Variants in MARCHF11 observed in about 807,000 individuals in gnomAD.
MARCHF11 encodes the protein E3 ubiquitin-protein ligase MARCHF11.
A neutral mutation model predicts 37.3 loss-of-function variants in MARCHF11; 29 were observed. The ratio of observed to expected loss-of-function variants is 0.78; its 90% CI spans 0.58 to 1.06. The LOEUF (loss-of-function observed/expected upper bound fraction) is 1.06. Among genes scored for constraint, MARCHF11 ranks in the 50% least tolerant of loss-of-function variants. MARCHF11 has a pLI of 0.00. For synonymous variants in MARCHF11, 233 were observed against 228.0 expected (o/e 1.02, Z -0.20); for missense variants, 482 against 533.4 (o/e 0.90, Z 0.95).
intron 2 of MARCHF11, among the ~76,000 whole-genome samples, chr5:16,160,167 T>C (rs1053225947): frequency 1.3e-5 from 2 of 149,904 alleles, no homozygotes; most frequent in African/African-American, 4.9e-5. Flanking sequence ...TTGAGAAAAA[T>C]ATCTAAAATA....
At chr5:16,102,970 C>G (rs921730210) in intron 2 of MARCHF11, among the ~76,000 whole-genome samples, 2 of 152,190 alleles carry the variant, frequency 1.3e-5, no homozygotes, top group Non-Finnish European at 2.9e-5. Flanking sequence ...TGTCTTAACA[C>G]CACCGATGTA....
At chr5:16,094,686 T>C (rs1736838145) in intron 2 of MARCHF11, among the ~76,000 whole-genome samples, 1 of 152,206 alleles carries the variant, frequency 6.6e-6, no homozygotes, top group Admixed American at 6.5e-5. Flanking sequence ...TGAAAAGCTG[T>C]TTACTTCTAC....
At chr5:16,165,361 A>ATAGTCTTAT (rs1204891807) in intron 2 of MARCHF11, among the ~76,000 whole-genome samples, 3 of 152,076 alleles carry the variant, frequency 2.0e-5, no homozygotes, top group African/African-American at 7.2e-5. Flanking sequence ...AATATCTTAC[A>ATAGTCTTAT]TTGCTATAGT....
intron 2 of MARCHF11, among the ~76,000 whole-genome samples, chr5:16,140,439 G>A (rs1004272717): frequency 6.6e-6 from 1 of 152,024 alleles, no homozygotes; most frequent in Admixed American, 6.6e-5. Context: ...ATAGCTAATT[G>A]CCACAAATGA....
intron 2 of MARCHF11, among the ~76,000 whole-genome samples, chr5:16,158,958 A>G (rs888674791): frequency 6.6e-6 from 1 of 151,882 alleles, no homozygotes; most frequent in African/African-American, 2.4e-5. Flanking sequence ...CTGAGAGTAG[A>G]TTTTAAGTTG....
At chr5:16,124,305 T>C (rs529988865) in intron 2 of MARCHF11, among the ~76,000 whole-genome samples, 3 of 152,290 alleles carry the variant, frequency 2.0e-5, no homozygotes, top group Non-Finnish European at 4.4e-5. Flanking sequence ...GGAGGGACTA[T>C]TAGCAAGAAG....
At chr5:16,120,708 G>A (rs1464718746) in intron 2 of MARCHF11, among the ~76,000 whole-genome samples, 1 of 152,196 alleles carries the variant, frequency 6.6e-6, no homozygotes, top group Non-Finnish European at 1.5e-5. Flanking sequence ...TGAATCTAGG[G>A]TTGGCTGTGA....
At chr5:16,136,078 T>C (rs1349117735) in intron 2 of MARCHF11, among the ~76,000 whole-genome samples, 1 of 152,010 alleles carries the variant, frequency 6.6e-6, no homozygotes, top group Non-Finnish European at 1.5e-5. Flanking sequence ...CAGTTTCTCA[T>C]CTACAAATTA....
In MARCHF11 at chr5:16,111,685, A is replaced by G. The variant is rs147836901; in HGVS notation, c.694-20604T>C. ...ATTCAAGCCAGCTGCAGAAAGTTGC[A>G]TAAGTAACGAGGAGCCAAATGTTAA... On this transcript the variant is annotated intron_variant, in intron 2 of 3. Coordinates refer to ENST00000332432, the MANE Select transcript of MARCHF11 (RefSeq NM_001102562.3). 1.5e-3 allele frequency among the ~76,000 whole-genome samples: 230 copies of G among 152,360 alleles called. 4 individuals are homozygous for G. The East Asian group carries it at 0.04, about 26-fold the overall frequency.
chr5:16,125,487 T>C lies in MARCHF11; in HGVS notation c.694-34406A>G, dbSNP rs144758067. Among the ~76,000 whole-genome samples the C allele has an allele frequency of 1.5e-3, 222 of 152,256 alleles. 1 individual carries two copies. Among genetic ancestry groups the C allele is most frequent in the Admixed American group, 2.6e-3 (40 of 15,284 alleles). ...CATAGAATTAACTTCCCAGTAATGT[T>C]TGGGGCTGCCATGAGGAATCCAGTC... On this transcript the variant is annotated intron_variant, in intron 2 of 3. Coordinates refer to ENST00000332432, the MANE Select transcript of MARCHF11 (RefSeq NM_001102562.3).
In MARCHF11 at chr5:16,173,354, T is replaced by C. The variant is rs537619740; in HGVS notation, c.693+4372A>G. On this transcript the variant is annotated intron_variant, in intron 2 of 3. Coordinates refer to ENST00000332432, the MANE Select transcript of MARCHF11 (RefSeq NM_001102562.3). The stretch of plus-strand genomic sequence containing the variant: ...TTACATGCACCCACCTGACAGGGGC[T>C]GTTCTAAAGCATAAACAAAGTATGG... Among the ~76,000 whole-genome samples, 19 of 152,310 alleles carry C rather than the reference T, an allele frequency of 1.2e-4. No individual in the cohort carries two copies. In the South Asian group the frequency reaches 1.7e-3, roughly 13 times the overall value.
intron 3 of MARCHF11, among the ~76,000 whole-genome samples, chr5:16,072,368 T>C (rs1462672498): frequency 6.6e-6 from 1 of 152,166 alleles, no homozygotes; most frequent in Non-Finnish European, 1.5e-5. Context: ...GAAGCCCTAA[T>C]TCCCAGTGTG....
In MARCHF11 at chr5:16,091,050, T is replaced by G; in HGVS notation, c.725A>C (p.Lys242Thr). The G allele has an allele frequency of 6.2e-7, 1 of 1,602,112 alleles. No homozygotes were observed. Among genetic ancestry groups the G allele is most frequent in the Non-Finnish European group, 8.5e-7 (1 of 1,173,570 alleles). Reference sequence around the variant, plus strand: ...TAGGATTACAGCAATCATCTGAACTTTCTCAACCAGTGTTATAGAAATGCT... The same window carrying G: ...TAGGATTACAGCAATCATCTGAACTGTCTCAACCAGTGTTATAGAAATGCT... ...WQSISITLVEKVQMIAVILGS... is the reference protein window; with the variant it reads ...WQSISITLVETVQMIAVILGS... Residue 242 changes from lysine (K) to threonine (T), a missense_variant, in exon 3 of 4, where the codon AAA (lysine) becomes ACA (threonine). Coordinates refer to ENST00000332432, the MANE Select transcript of MARCHF11 (RefSeq NM_001102562.3).
intron 2 of MARCHF11, among the ~76,000 whole-genome samples, chr5:16,162,922 T>A (rs528242612): frequency 6.6e-6 from 1 of 151,820 alleles, no homozygotes; most frequent in Non-Finnish European, 1.5e-5. Flanking sequence ...TCCAACAACA[T>A]TAAGAAATGA....
chr5:16,141,758 CCAAAAA>C (rs1394084533), intron 2 of MARCHF11, among the ~76,000 whole-genome samples: 2 of 152,042 alleles, frequency 1.3e-5, no homozygotes, highest in Admixed American at 1.3e-4. Context: ...AACTCAAGAG[CCAAAAA>C]CAAAAACAAA....
At chr5:16,155,192 C>A (rs1017353129) in intron 2 of MARCHF11, among the ~76,000 whole-genome samples, 2 of 151,750 alleles carry the variant, frequency 1.3e-5, no homozygotes, top group South Asian at 4.1e-4. Context: ...GTGAAAGACA[C>A]TATAGAACAA....
chr5:16,119,895 T>G (rs535594121), intron 2 of MARCHF11, among the ~76,000 whole-genome samples: 61 of 152,334 alleles, frequency 4.0e-4, no homozygotes, highest in African/African-American at 1.4e-3. Flanking sequence ...ATGAATGCGC[T>G]TAAAATGCAT....
chr5:16,116,373 A>G (rs371802553), intron 2 of MARCHF11, among the ~76,000 whole-genome samples: 9 of 152,188 alleles, frequency 5.9e-5, no homozygotes, highest in Non-Finnish European at 1.2e-4. Flanking sequence ...CCCATGCTCT[A>G]TCTAACAAGG....
intron 2 of MARCHF11, among the ~76,000 whole-genome samples, chr5:16,155,393 A>G (rs1044895181): frequency 1.3e-5 from 2 of 151,734 alleles, no homozygotes; most frequent in Non-Finnish European, 2.9e-5. Flanking sequence ...GGGATTTTCC[A>G]TTTTTACCCT....
Sources: gnomAD v4.1 joint callset for allele counts (sites outside exome capture counted in the v4.1 genomes callset) on GRCh38, gnomAD v4.1.1 for gene constraint, MANE v1.5 for transcripts, NCBI Gene and HGNC (gene_info 2026-07-23, HGNC 2026-07-21) for gene names.